TUFT1: variants seen among roughly 807,000 people sequenced by gnomAD.
The protein encoded by TUFT1 is tuftelin 1.
TUFT1 carries 43 observed loss-of-function variants against 57.8 expected under a neutral mutation model. The observed-to-expected ratio is 0.74, with a 90% CI of 0.58 to 0.96. The LOEUF (loss-of-function observed/expected upper bound fraction) is 0.96, where lower values mean the gene tolerates loss of function less well. Ranked by LOEUF, TUFT1 falls within the 40% of genes least tolerant of loss-of-function variation. The probability of loss-of-function intolerance (pLI) is 0.00; values close to 1 mark genes in which losing one functional copy is unlikely to be tolerated. For synonymous variants in TUFT1, 166 were observed against 176.7 expected (o/e 0.94, Z 0.48); for missense variants, 459 against 489.0 (o/e 0.94, Z 0.58).
chr1:151,557,652 C>T (rs189929814), intron 1 of TUFT1: 28 of 996,250 alleles, frequency 2.8e-5, no homozygotes, highest in South Asian at 2.3e-4. Flanking sequence ...TCCACTGGTA[C>T]GTTACCAATG....
chr1:151,567,182 G>A (rs1034718824), intron 6 of TUFT1, among the ~76,000 whole-genome samples: 1 of 152,096 alleles, frequency 6.6e-6, no homozygotes, highest in African/African-American at 2.4e-5. Flanking sequence ...TTATAGGCAT[G>A]AGCCACTGTG....
intron 3 of TUFT1, among the ~76,000 whole-genome samples, chr1:151,563,004 A>G (rs1468759424): frequency 2.6e-5 from 4 of 152,000 alleles, no homozygotes; most frequent in Non-Finnish European, 5.9e-5. Flanking sequence ...TATGGAACTT[A>G]TGTTTTCCTA....
At chr1:151,580,896 G>C in intron 11 of TUFT1, 46 bp from the exon 12 acceptor site, 1 of 1,580,218 alleles carries the variant, frequency 6.3e-7, no homozygotes, top group Non-Finnish European at 8.7e-7. Flanking sequence ...GTGGCACCCG[G>C]GAAGCCAGAA....
chr1:151,552,058 A>G (rs1200662494), intron 1 of TUFT1, among the ~76,000 whole-genome samples: 1 of 152,168 alleles, frequency 6.6e-6, no homozygotes, highest in Non-Finnish European at 1.5e-5. Context: ...TCTAAAGTGC[A>G]AATTATATTA....
intron 1 of TUFT1, among the ~76,000 whole-genome samples, chr1:151,555,776 C>CAAAAAAAAA (rs776491723): frequency 1.4e-5 from 1 of 70,404 alleles, no homozygotes. Flanking sequence ...GACTCCGTCT[C>CAAAAAAAAA]AAAAAAAAAA....
rs1158846651 is a variant in TUFT1, at chr1:151,582,219, C to A, written c.*512C>A. ...TGCTCCATCTGCAGCCTACGCTGCCCTGGCCTCCTGCAGACAGATAGTGGG... is the reference window on the plus strand; with the variant it reads ...TGCTCCATCTGCAGCCTACGCTGCCATGGCCTCCTGCAGACAGATAGTGGG... On this transcript the variant is annotated 3_prime_UTR_variant, in exon 13 of 13. Transcript: ENST00000368849. The A allele has an allele frequency of 2.2e-6, 1 of 456,166 alleles. No individual in the cohort carries two copies. Among genetic ancestry groups the A allele is most frequent in the Non-Finnish European group, 4.4e-6 (1 of 226,902 alleles). The allele number at this position is 456,166 out of a possible 1,614,324, so 28.3% of individuals were successfully genotyped here. A position where few individuals can be genotyped will look rare whatever the true frequency, so the allele number is the denominator to read the frequency against.
chr1:151,578,658 C>G, intron 9 of TUFT1, 63 bp from the exon 10 acceptor site: 1 of 1,418,414 alleles, frequency 7.1e-7, no homozygotes, highest in East Asian at 2.6e-5. Context: ...CAAGGCTCTT[C>G]CTGTGACTGG....
chr1:151,564,033 C>G (rs1665985112), intron 4 of TUFT1, 43 bp downstream of exon 4: 1 of 1,468,838 alleles, frequency 6.8e-7, no homozygotes, highest in African/African-American at 1.4e-5. Flanking sequence ...GGTCATTTCT[C>G]TAAATCTCAC....
At chr1:151,550,138 T>C (rs569437195) in intron 1 of TUFT1, among the ~76,000 whole-genome samples, 2 of 152,034 alleles carry the variant, frequency 1.3e-5, no homozygotes, top group African/African-American at 4.8e-5. Flanking sequence ...TTCAAGCGAT[T>C]CTCCTGCCTC....
chr1:151,564,658 G>T, intron 5 of TUFT1, 44 bp downstream of exon 5: 1 of 1,539,816 alleles, frequency 6.5e-7, no homozygotes, highest in South Asian at 1.1e-5. Context: ...CGAGGAGGTG[G>T]GGTTGTGCCA....
chr1:151,565,320 G>A (rs1666032043), intron 5 of TUFT1, among the ~76,000 whole-genome samples: 2 of 152,254 alleles, frequency 1.3e-5, no homozygotes, highest in South Asian at 4.1e-4. Context: ...CTGTCTCTTT[G>A]TGACTTCGCC....
chr1:151,565,545 C>T (rs1197058104), intron 5 of TUFT1, among the ~76,000 whole-genome samples: 1 of 152,264 alleles, frequency 6.6e-6, no homozygotes, highest in Non-Finnish European at 1.5e-5. Flanking sequence ...CTTGAGCTCA[C>T]ATCTGGCTGG....
At chr1:151,545,722 G>C in intron 1 of TUFT1, 1 of 420,110 alleles carries the variant, frequency 2.4e-6, no homozygotes, top group Non-Finnish European at 5.1e-6. Context: ...TCGTTTCCTT[G>C]ATGATCCAGG....
At chr1:151,578,949 A>G (rs1258841988) in intron 10 of TUFT1, 123 bp downstream of exon 10, 2 of 715,754 alleles carry the variant, frequency 2.8e-6, no homozygotes, top group Non-Finnish European at 4.6e-6. Context: ...ATAGCTACCA[A>G]TTACCAGGTT....
intron 1 of TUFT1, among the ~76,000 whole-genome samples, chr1:151,552,707 CAAAAAAAAAAAAAAAA>C (rs869244649): frequency 1.9e-5 from 1 of 53,480 alleles, no homozygotes; most frequent in African/African-American, 8.7e-5. Context: ...GACTCTGTCT[CAAAAAAAAAAAAAAAA>C]AAAAAAAAAA....
chr1:151,554,607 C>A (rs1665616168), intron 1 of TUFT1, among the ~76,000 whole-genome samples: 1 of 150,172 alleles, frequency 6.7e-6, no homozygotes, highest in South Asian at 2.1e-4. Flanking sequence ...AACATGTTGG[C>A]CAGGCTGGTC....
At chr1:151,570,045 A>C (rs888791479) in intron 7 of TUFT1, among the ~76,000 whole-genome samples, 1 of 152,234 alleles carries the variant, frequency 6.6e-6, no homozygotes, top group Non-Finnish European at 1.5e-5. Flanking sequence ...CCGGTGATTC[A>C]GAAGTCATTT....
At chr1:151,558,796 T>TC (rs397717229) in intron 1 of TUFT1, among the ~76,000 whole-genome samples, 1 of 151,466 alleles carries the variant, frequency 6.6e-6, no homozygotes, top group East Asian at 1.9e-4. Context: ...TTTTTTTTTT[T>TC]CTTTTTGAGA....
At chr1:151,558,404 C>T (rs536489433) in intron 1 of TUFT1, among the ~76,000 whole-genome samples, 1 of 151,832 alleles carries the variant, frequency 6.6e-6, no homozygotes, top group South Asian at 2.1e-4. Flanking sequence ...TTTTCTTTGT[C>T]TTTAGTTATC....
Sources: gnomAD v4.1 joint callset for allele counts (sites outside exome capture counted in the v4.1 genomes callset) on GRCh38, gnomAD v4.1.1 for gene constraint, MANE v1.5 for transcripts, NCBI Gene and HGNC (gene_info 2026-07-23, HGNC 2026-07-21) for gene names.